Variants in POLN observed in about 807,000 individuals in gnomAD.
POLN encodes the protein DNA polymerase N.
A neutral mutation model predicts 113.5 loss-of-function variants in POLN; 108 were observed. The observed-to-expected ratio is 0.95, with a 90% CI of 0.81 to 1.12. The LOEUF is 1.12. Ranked by LOEUF, POLN falls within the 50% of genes most tolerant of loss-of-function variation. The pLI, the probability that POLN is intolerant of heterozygous loss-of-function variation, is 0.00. For synonymous variants in POLN, 386 were observed against 391.5 expected (o/e 0.99, Z 0.17); for missense variants, 1,097 against 1,077.1 (o/e 1.02, Z -0.26).
chr4:2,152,285 A>G (rs1418460220), intron 16 of POLN, among the ~76,000 whole-genome samples: 1 of 148,550 alleles, frequency 6.7e-6, no homozygotes, highest in African/African-American at 2.5e-5. Context: ...AGATCTGCCC[A>G]CCTCAGCCTC....
chr4:2,196,435 T>C (rs1172788428), intron 6 of POLN, among the ~76,000 whole-genome samples: 1 of 151,970 alleles, frequency 6.6e-6, no homozygotes, highest in Non-Finnish European at 1.5e-5. Context: ...AACAAATGAA[T>C]CCAGGACACG....
chr4:2,139,591 C>T (rs894083053), intron 16 of POLN: 1 of 152,100 alleles, frequency 6.6e-6, no homozygotes, highest in African/African-American at 2.4e-5. Flanking sequence ...TCAGTTTACT[C>T]TAGATAGAAA....
chr4:2,155,176 C>T (rs1002836124), intron 16 of POLN, among the ~76,000 whole-genome samples: 6 of 152,240 alleles, frequency 3.9e-5, no homozygotes, highest in Non-Finnish European at 8.8e-5. Context: ...AGAGAAACTA[C>T]AGCAGTTGTG....
rs58023866 is a variant in POLN, at chr4:2,083,488, C to A, written c.2198-1745G>T. Among the ~76,000 whole-genome samples the A allele has an allele frequency of 5.1e-4, 77 of 152,362 alleles. 1 individual carries two copies. Among genetic ancestry groups the A allele is most frequent in the African/African-American group, 1.8e-3 (75 of 41,586 alleles). On this transcript the variant is annotated intron_variant, in intron 21 of 25. Transcript: ENST00000511885. Reference sequence around the variant, plus strand: ...GTTTTCTGGTTCTTCATGGTGGGTGCAAACTCTGAAGCCAGTGACTCCCTT... The same window carrying A: ...GTTTTCTGGTTCTTCATGGTGGGTGAAAACTCTGAAGCCAGTGACTCCCTT...
At chr4:2,129,518 C>A (rs1171138621) in intron 17 of POLN, among the ~76,000 whole-genome samples, 1 of 152,008 alleles carries the variant, frequency 6.6e-6, no homozygotes, top group Non-Finnish European at 1.5e-5. Context: ...CTTCCCAAAG[C>A]AGCTGGGACT....
Position 2,078,473 on chromosome 4 carries a change from C to CTT in POLN, c.2387+2483_2387+2484dup, listed in dbSNP as rs943435658. The CTT allele has an allele frequency of 1.4e-3, 765 of 529,274 alleles. 1 individual carries two copies. Among genetic ancestry groups the CTT allele is most frequent in the Middle Eastern group, 3.7e-3 (4 of 1,088 alleles). The allele number at this position is 529,274 out of a possible 1,614,324, so 32.8% of individuals were successfully genotyped here. On this transcript the variant is annotated intron_variant, in intron 23 of 25. Transcript: ENST00000511885. ...GGGTGGCCAGATGAATCTTCTTCTT[C>CTT]TTTTTTTTTTTTTTTGTTAGACAGA...
Position 2,085,699 on chromosome 4 carries a change from G to A in POLN, c.2111C>T (p.Ala704Val). 1.2e-6 allele frequency: 2 copies of A among 1,614,094 alleles called. No individual in the cohort carries two copies. Among genetic ancestry groups the A allele is most frequent in the African/African-American group, 1.3e-5 (1 of 75,070 alleles). ...CAAAAAACTCTCCAAAAACTGGGCA[G>A]CTTCCTGAATAGGAACTCCAAGGCA... Reference protein sequence around the residue: ...AACLGVPIQEAAQFLESFLQK... With the variant: ...AACLGVPIQEVAQFLESFLQK... The change falls in exon 21 of 26, where the codon GCT becomes GTT. Residue 704 changes from alanine (A) to valine (V), a missense_variant. Transcript: ENST00000511885.
chr4:2,098,918 GCACACACACACACACA>G (rs4031130), intron 19 of POLN, among the ~76,000 whole-genome samples: 7 of 149,916 alleles, frequency 4.7e-5, no homozygotes, highest in Non-Finnish European at 8.9e-5. Context: ...ACGTGCGTGC[GCACACACACACACACA>G]CACACACACA....
At chr4:2,228,983 A>T in intron 3 of POLN, 116 bp downstream of exon 3, 2 of 1,019,880 alleles carry the variant, frequency 2.0e-6, no homozygotes, top group Admixed American at 2.6e-5. Context: ...ATGAGTGTAA[A>T]AGGGGCGGGA....
At chr4:2,160,617 C>T (rs1577731152) in intron 13 of POLN, among the ~76,000 whole-genome samples, 1 of 152,254 alleles carries the variant, frequency 6.6e-6, no homozygotes, top group East Asian at 1.9e-4. Context: ...CCATGTTGCC[C>T]AGGCTGGTCT....
At position 2,213,140 on chromosome 4, in the gene POLN, C is replaced by CA; in HGVS notation, c.134-15dup. 1.3e-6 allele frequency: 2 copies of CA among 1,541,498 alleles called. No individual in the cohort carries two copies. Among genetic ancestry groups the CA allele is most frequent in the Non-Finnish European group, 1.8e-6 (2 of 1,137,520 alleles). ...TCACTTCCATAGCTTTTAAAAACAA[C>CA]AAAAAAGAAACATGGGGCATTAAAG... On this transcript the variant is annotated splice_polypyrimidine_tract_variant and intron_variant, in intron 3 of 25. Transcript: ENST00000511885.
At chr4:2,075,399 C>A in intron 24 of POLN, 53 bp downstream of exon 24, 1 of 1,582,566 alleles carries the variant, frequency 6.3e-7, no homozygotes, top group Non-Finnish European at 8.7e-7. Context: ...GGGCATGGAG[C>A]CTCCTCTTAG....
intron 7 of POLN, among the ~76,000 whole-genome samples, chr4:2,192,897 T>C (rs1448830582): frequency 1.3e-5 from 2 of 151,986 alleles, no homozygotes; most frequent in Admixed American, 6.6e-5. Context: ...CTCTGGACTG[T>C]AGTTTAATTC....
chr4:2,079,279 T>G, intron 23 of POLN: 1 of 417,552 alleles, frequency 2.4e-6, no homozygotes, highest in Non-Finnish European at 3.2e-6. Flanking sequence ...AGGACCACCA[T>G]TTGGCTTTCA....
intron 4 of POLN, 110 bp downstream of exon 4, chr4:2,212,937 T>G: frequency 1.7e-6 from 1 of 586,436 alleles, no homozygotes; most frequent in Non-Finnish European, 2.6e-6. Flanking sequence ...TCTTTTTTTT[T>G]TTTTAAGGTG....
chr4:2,091,089 A>G (rs1446757377), intron 20 of POLN, among the ~76,000 whole-genome samples: 1 of 152,158 alleles, frequency 6.6e-6, no homozygotes, highest in Non-Finnish European at 1.5e-5. Context: ...CCTTTCTTCC[A>G]GGTGTCAGCT....
intron 2 of POLN, chr4:2,236,583 G>C: frequency 1.5e-6 from 1 of 669,884 alleles, no homozygotes; most frequent in Admixed American, 2.6e-5. Flanking sequence ...TATTGGCCGG[G>C]TACAGTAGCT....
chr4:2,187,244 T>TTTGC (rs1733299865), intron 7 of POLN, among the ~76,000 whole-genome samples: 2 of 91,590 alleles, frequency 2.2e-5, no homozygotes, highest in African/African-American at 2.0e-4. Flanking sequence ...GTTTGTTTGT[T>TTTGC]TTGTTTGTTT....
At chr4:2,151,126 A>G (rs1732285365) in intron 16 of POLN, among the ~76,000 whole-genome samples, 1 of 152,236 alleles carries the variant, frequency 6.6e-6, no homozygotes, top group Non-Finnish European at 1.5e-5. Flanking sequence ...AATGATAAGA[A>G]AATAAGCAGT....
Sources: allele counts gnomAD v4.1 joint callset (sites outside exome capture counted in the v4.1 genomes callset), GRCh38; gene constraint gnomAD v4.1.1; transcripts MANE v1.5; gene names NCBI Gene and HGNC (gene_info 2026-07-23, HGNC 2026-07-21).